The following FSIP2 variants were observed in gnomAD, a reference collection of about 807,000 sequenced individuals.
The protein encoded by FSIP2 is fibrous sheath-interacting protein 2.
A neutral mutation model predicts 510.5 loss-of-function variants in FSIP2; 367 were observed. The observed-to-expected ratio is 0.72, with a 90% CI of 0.66 to 0.78. The LOEUF (loss-of-function observed/expected upper bound fraction) is 0.78, where lower values mean the gene tolerates loss of function less well. Among genes scored for constraint, FSIP2 ranks in the 30% least tolerant of loss-of-function variants. FSIP2 has a pLI of 0.00. For missense variants in FSIP2, 7,594 were observed against 7,901.7 expected, an observed-to-expected ratio of 0.96 and a Z score of 1.48; for synonymous variants, 2,601 against 2,732.2, an observed-to-expected ratio of 0.95 and a Z score of 1.50.
chr2:185,789,267 A>T lies in FSIP2; in HGVS notation c.2131A>T (p.Ile711Phe). 2 of 1,534,638 alleles carry T rather than the reference A, an allele frequency of 1.3e-6. No individual in the cohort carries two copies. The highest frequency in any genetic ancestry group is 1.7e-6 in the Non-Finnish European group (2 of 1,145,954). Residue 711 changes from isoleucine to phenylalanine, a missense_variant, in exon 16 of 23, where the codon ATT becomes TTT. Ile to Phe is a conservative substitution (Grantham distance 21). Coordinates refer to ENST00000424728, the MANE Select transcript of FSIP2 (RefSeq NM_173651.4). ...GGAAACTGAAGTGATTTTAGAAAGCATTTTGCGAGAAATAATGTCTGATTT... is the reference window on the plus strand; with the variant it reads ...GGAAACTGAAGTGATTTTAGAAAGCTTTTTGCGAGAAATAATGTCTGATTT... ...KGETEVILES[I>F]LREIMSDLTQ...
intron 19 of FSIP2, among the ~76,000 whole-genome samples, chr2:185,822,642 A>G (rs1281863420): frequency 1.3e-5 from 2 of 151,918 alleles, no homozygotes; most frequent in Non-Finnish European, 2.9e-5. Context: ...TACTCAAAGT[A>G]ATTCATAGAA....
In FSIP2 at chr2:185,808,712, C is replaced by A; in HGVS notation, c.19406C>A (p.Thr6469Lys). 1 of 1,611,502 alleles carries A rather than the reference C, an allele frequency of 6.2e-7. No individual in the cohort carries two copies. The change falls in exon 17 of 23, where the codon ACA becomes AAA. Residue 6469 changes from threonine (T) to lysine (K), a missense_variant. Thr to Lys is a moderately conservative substitution (Grantham distance 78). Coordinates refer to ENST00000424728, the MANE Select transcript of FSIP2 (RefSeq NM_173651.4). ...GGAGTTTCAAGTTTTCCATTAGATA[C>A]AATTAACTCAACAATTTCAAATGCT... ...IDGVSSFPLD[T>K]INSTISNADL...
At position 185,800,038 on chromosome 2, in the gene FSIP2, A is replaced by G; in HGVS notation, c.10732A>G (p.Ile3578Val). Residue 3578 changes from isoleucine (I) to valine (V), a missense_variant, in exon 17 of 23, where the codon ATT becomes GTT. Physicochemically the swap from Ile to Val is conservative, Grantham distance 29. Coordinates refer to ENST00000424728, the MANE Select transcript of FSIP2 (RefSeq NM_173651.4). ...LFNNKIIQADIAQKMVAIPTK... is the reference protein window; with the variant it reads ...LFNNKIIQADVAQKMVAIPTK... ...TAATAATAAAATTATACAGGCTGACATTGCACAGAAAATGGTTGCCATACC... is the reference window on the plus strand; with the variant it reads ...TAATAATAAAATTATACAGGCTGACGTTGCACAGAAAATGGTTGCCATACC... 6.5e-7 allele frequency: 1 copy of G among 1,528,158 alleles called. No individual in the cohort carries two copies. The highest frequency in any genetic ancestry group is 8.8e-7 in the Non-Finnish European group (1 of 1,141,184). The allele number at this position is 1,528,158 out of a possible 1,614,324, so 94.7% of individuals were successfully genotyped here. A position where few individuals can be genotyped will look rare whatever the true frequency, so the allele number is the denominator to read the frequency against.
chr2:185,738,591 G>A (rs929612351), upstream of FSIP2: 8 of 1,535,108 alleles, frequency 5.2e-6, no homozygotes, highest in Non-Finnish European at 6.1e-6. Context: ...ATACGTTTTC[G>A]TTAGGATTGG....
chr2:185,745,251 A>G (rs1345955125), intron 4 of FSIP2, among the ~76,000 whole-genome samples, 178 bp from the exon 5 acceptor site: 2 of 152,048 alleles, frequency 1.3e-5, no homozygotes. Flanking sequence ...TTTACCTTTT[A>G]TTTTCAGAGA....
intron 16 of FSIP2, among the ~76,000 whole-genome samples, chr2:185,798,883 C>G (rs1469804863): frequency 6.6e-6 from 1 of 151,788 alleles, no homozygotes. Flanking sequence ...CTAGGAATAC[C>G]TTTTCCTCAT....
rs1455934948 is a variant in FSIP2 at position 185,796,073 on chromosome 2, A to C, written c.8937A>C (p.Gln2979His). Residue 2979 changes from glutamine (Q) to histidine (H), a missense_variant, in exon 16 of 23, where the codon CAA becomes CAC. By Grantham distance (24) the Gln-to-His change is conservative. Transcript: ENST00000424728. The stretch of plus-strand genomic sequence containing the variant: ...TCTATAACACAAAGACAAAAGACCA[A>C]ATTTCTGTGGGCTCCAGCAACCAAA... Reference protein sequence around the residue: ...LPIYNTKTKDQISVGSSNQIV... With the variant: ...LPIYNTKTKDHISVGSSNQIV... The C allele has an allele frequency of 2.6e-6, 4 of 1,531,610 alleles. No homozygotes were observed. The highest frequency in any genetic ancestry group is 3.5e-6 in the Non-Finnish European group (4 of 1,145,282). 94.9% of individuals were successfully genotyped at this position (1,531,610 alleles called of 1,614,324 possible).
rs1693302496 is a variant in FSIP2 at position 185,797,000 on chromosome 2, C to T, written c.9864C>T (p.Val3288=). ...SDSTEAALKQ[V]LSFIEMGKGE... is the part of the protein sequence containing the mutation. Reference sequence around the variant, plus strand: ...CCACAGAAGCAGCATTAAAGCAAGTCTTGTCATTCATAGAAATGGGAAAAG... The same window carrying T: ...CCACAGAAGCAGCATTAAAGCAAGTTTTGTCATTCATAGAAATGGGAAAAG... Residue 3288 remains valine, a synonymous_variant, in exon 16 of 23, where the codon GTC becomes GTT. Transcript: ENST00000424728. The T allele has an allele frequency of 1.3e-6, 2 of 1,535,112 alleles. No homozygotes were observed. Among genetic ancestry groups the T allele is most frequent in the African/African-American group, 1.4e-5 (1 of 73,044 alleles).
intron 13 of FSIP2, among the ~76,000 whole-genome samples, chr2:185,771,354 G>C (rs970504739): frequency 5.9e-5 from 9 of 152,224 alleles, no homozygotes; most frequent in Admixed American, 2.6e-4. Context: ...GCTTCTGCCT[G>C]GACATCCTGC....
chr2:185,774,190 GT>G (rs1261730250), intron 13 of FSIP2, among the ~76,000 whole-genome samples: 1 of 152,018 alleles, frequency 6.6e-6, no homozygotes, highest in East Asian at 1.9e-4. Flanking sequence ...ACACTAGATT[GT>G]ACAACTTAAT....
chr2:185,796,782 G>C lies in FSIP2; in HGVS notation c.9646G>C (p.Asp3216His), dbSNP rs1559030099. 3 of 1,535,116 alleles carry C rather than the reference G, an allele frequency of 2.0e-6. No individual in the cohort carries two copies. The Admixed American group carries it at 5.9e-5, about 30-fold the overall frequency. The change falls in exon 16 of 23, where the codon GAC (aspartate) becomes CAC (histidine). Residue 3216 changes from aspartate to histidine, a missense_variant. Transcript: ENST00000424728. ...LPTSVRSSVE[D>H]TVKNSEPTKR... The stretch of plus-strand genomic sequence containing the variant: ...CACCTCTGTCAGATCCTCTGTAGAA[G>C]ACACAGTTAAAAACTCAGAGCCAAC...
rs763794979 is a variant in FSIP2, at chr2:185,805,396, A to C, written c.16090A>C (p.Thr5364Pro). 2 of 1,599,672 alleles carry C rather than the reference A, an allele frequency of 1.3e-6. No individual in the cohort carries two copies. The highest frequency in any genetic ancestry group is 2.7e-5 in the African/African-American group (2 of 73,970). ...ATATGAACAGTTCATAGAAAAATGC[A>C]CATCTCATGATATTCAAAAAGGTGA... ...FVYEQFIEKC[T>P]SHDIQKGDES... Residue 5364 changes from threonine (T) to proline (P), a missense_variant, in exon 17 of 23, where the codon ACA becomes CCA. Transcript: ENST00000424728.
Position 185,795,662 on chromosome 2 carries a change from C to T in FSIP2, c.8526C>T (p.Asp2842=), listed in dbSNP as rs1261754256. 2 of 1,533,904 alleles carry T rather than the reference C, an allele frequency of 1.3e-6. No homozygotes were observed. Among genetic ancestry groups the T allele is most frequent in the Admixed American group, 3.9e-5 (2 of 50,832 alleles). ...PREGIFKKLF[D]KWQTESNDKE... is the part of the protein sequence containing the mutation. ...AAGGTATATTTAAAAAATTGTTTGA[C>T]AAGTGGCAAACAGAATCAAATGACA... The change falls in exon 16 of 23, where the codon GAC becomes GAT. Residue 2842 remains aspartate, a synonymous_variant. Coordinates refer to ENST00000424728, the MANE Select transcript of FSIP2 (RefSeq NM_173651.4).
At position 185,792,869 on chromosome 2, in the gene FSIP2, G is replaced by A; in HGVS notation, c.5733G>A (p.Glu1911=). The part of the protein sequence containing the change: ...FQSRFSVADK[E]TKVNLAEDIV... ...CTAGATTCAGCGTTGCTGACAAGGA[G>A]ACAAAGGTAAATCTAGCTGAAGATA... The change falls in exon 16 of 23, where the codon GAG becomes GAA. Residue 1911 remains glutamate, a synonymous_variant. Coordinates refer to ENST00000424728, the MANE Select transcript of FSIP2 (RefSeq NM_173651.4). 2.0e-6 allele frequency: 3 copies of A among 1,534,320 alleles called. No individual in the cohort carries two copies. Among genetic ancestry groups the A allele is most frequent in the Non-Finnish European group, 2.6e-6 (3 of 1,145,734 alleles).
In FSIP2 at chr2:185,796,133, G is replaced by T. The variant is rs1244040486; in HGVS notation, c.8997G>T (p.Met2999Ile). 1 of 1,534,442 alleles carries T rather than the reference G, an allele frequency of 6.5e-7. No individual in the cohort carries two copies. Among genetic ancestry groups the T allele is most frequent in the East Asian group, 2.5e-5 (1 of 40,808 alleles). Residue 2999 changes from methionine to isoleucine, a missense_variant, in exon 16 of 23, where the codon ATG becomes ATT. Coordinates refer to ENST00000424728, the MANE Select transcript of FSIP2 (RefSeq NM_173651.4). Reference protein sequence around the residue: ...VQEIVETVLNMLESFVDLQFK... With the variant: ...VQEIVETVLNILESFVDLQFK... ...AGATTGTAGAAACGGTTTTAAACAT[G>T]TTAGAGTCATTTGTGGACTTGCAGT...
chr2:185,754,379 C>CA (rs1574156921), intron 8 of FSIP2, among the ~76,000 whole-genome samples: 1 of 151,346 alleles, frequency 6.6e-6, no homozygotes, highest in Admixed American at 6.6e-5. Context: ...GGCCAGAATG[C>CA]AAAAATGTAG....
At chr2:185,751,021 A>C (rs2105540409) in intron 7 of FSIP2, among the ~76,000 whole-genome samples, 1 of 151,578 alleles carries the variant, frequency 6.6e-6, no homozygotes, top group Non-Finnish European at 1.5e-5. Context: ...ATTTTGGGTA[A>C]ATTACGAATG....
chr2:185,803,358 G>A lies in FSIP2; in HGVS notation c.14052G>A (p.Leu4684=), dbSNP rs1212131483. The change falls in exon 17 of 23, where the codon CTG becomes CTA. Residue 4684 remains leucine (L), a synonymous_variant. Coordinates refer to ENST00000424728, the MANE Select transcript of FSIP2 (RefSeq NM_173651.4). ...VSIIDNTEER[L]CLPPVERDVV... is the part of the protein sequence containing the mutation. The stretch of plus-strand genomic sequence containing the variant: ...TTATAGATAATACTGAGGAAAGACT[G>A]TGTTTACCTCCAGTGGAGAGGGATG... The A allele has an allele frequency of 6.5e-7, 1 of 1,533,182 alleles. No individual in the cohort carries two copies. Among genetic ancestry groups the A allele is most frequent in the East Asian group, 2.5e-5 (1 of 40,816 alleles). The allele number at this position is 1,533,182 out of a possible 1,614,324, so 95.0% of individuals were successfully genotyped here. A position where few individuals can be genotyped will look rare whatever the true frequency, so the allele number is the denominator to read the frequency against.
intron 17 of FSIP2, among the ~76,000 whole-genome samples, chr2:185,811,095 C>T (rs1393748315): frequency 6.6e-6 from 1 of 152,008 alleles, no homozygotes; most frequent in Admixed American, 6.6e-5. Flanking sequence ...ATGCTTCTAA[C>T]AGCCTATTCT....
Sources: allele counts gnomAD v4.1 joint callset (sites outside exome capture counted in the v4.1 genomes callset), GRCh38; gene constraint gnomAD v4.1.1; transcripts MANE v1.5; gene names NCBI Gene and HGNC (gene_info 2026-07-23, HGNC 2026-07-21).